AKAP6: variants seen among roughly 807,000 people sequenced by gnomAD.
AKAP6 encodes A-kinase anchoring protein 6, also known as A-kinase anchor protein 6.
A neutral mutation model predicts 188.5 loss-of-function variants in AKAP6; 58 were observed. The ratio of observed to expected loss-of-function variants is 0.31; its 90% CI spans 0.25 to 0.38. AKAP6 has a LOEUF of 0.38. AKAP6 is among the 10% of genes least tolerant of loss of function. The pLI, the probability that AKAP6 is intolerant of heterozygous loss-of-function variation, is 1.00. For synonymous variants in AKAP6, 989 were observed against 998.6 expected (o/e 0.99, Z 0.18); for missense variants, 2,710 against 2,740.0 (o/e 0.99, Z 0.24).
Position 32,609,964 on chromosome 14 carries a change from ACTTT to A in AKAP6, c.2730+9177_2730+9180del, listed in dbSNP as rs1886287476. Among the ~76,000 whole-genome samples the A allele has an allele frequency of 3.3e-5, 5 of 151,328 alleles. No individual in the cohort carries two copies. The South Asian group carries it at 1.0e-3, about 32-fold the overall frequency. ...GTCTCTGGAAATCAAAAGCAGAAAA[ACTTT>A]CTTTACTTTTGACATCTTAGATATT... is the stretch of plus-strand genomic sequence containing the variant. On this transcript the variant is annotated intron_variant, in intron 7 of 13. Coordinates refer to ENST00000280979, the MANE Select transcript of AKAP6 (RefSeq NM_004274.5).
chr14:32,555,097 C>T (rs1883632719), intron 4 of AKAP6, among the ~76,000 whole-genome samples: 1 of 152,174 alleles, frequency 6.6e-6, no homozygotes, highest in Non-Finnish European at 1.5e-5. Context: ...TCTTCGGTGC[C>T]AGCTAAGGAT....
intron 1 of AKAP6, chr14:32,417,701 T>C (rs1889705787): frequency 1.3e-5 from 2 of 152,218 alleles, no homozygotes; most frequent in Admixed American, 1.3e-4. Context: ...TCTAAGTTTT[T>C]CTTTAAAATT....
chr14:32,827,134 A>T (rs1202490068), intron 13 of AKAP6, among the ~76,000 whole-genome samples: 3 of 152,226 alleles, frequency 2.0e-5, no homozygotes, highest in Non-Finnish European at 4.4e-5. Context: ...CAAAATGTTG[A>T]CATGCCTTCA....
At chr14:32,646,162 A>G (rs947608017) in intron 7 of AKAP6, among the ~76,000 whole-genome samples, 5 of 152,110 alleles carry the variant, frequency 3.3e-5, no homozygotes, top group Non-Finnish European at 5.9e-5. Context: ...GTAAAAAGCT[A>G]AGTTTGGACA....
At chr14:32,731,584 G>A (rs555575165) in intron 9 of AKAP6, among the ~76,000 whole-genome samples, 11 of 152,106 alleles carry the variant, frequency 7.2e-5, no homozygotes, top group Admixed American at 6.6e-4. Flanking sequence ...TGCTGAAAAT[G>A]TAAAATATGT....
chr14:32,381,638 A>G (rs1003193246), intron 1 of AKAP6, among the ~76,000 whole-genome samples: 1 of 152,208 alleles, frequency 6.6e-6, no homozygotes, highest in South Asian at 2.1e-4. Flanking sequence ...TGAAGTTTAC[A>G]TTAGAGAGAA....
At chr14:32,343,231 A>AT (rs1555318978) in intron 1 of AKAP6, among the ~76,000 whole-genome samples, 33,921 of 150,990 alleles carry the variant, frequency 0.22, 4,299 homozygotes, top group East Asian at 0.36. Context: ...CTTGTCAAGT[A>AT]TACCTTCCTT....
chr14:32,442,655 A>AG (rs1890619718), intron 2 of AKAP6: 1 of 148,926 alleles, frequency 6.7e-6, no homozygotes, highest in Non-Finnish European at 1.5e-5. Flanking sequence ...AAAAAAAAAA[A>AG]TTCTGGTTTT....
At chr14:32,560,280 C>T (rs920616248) in intron 4 of AKAP6, among the ~76,000 whole-genome samples, 1 of 152,048 alleles carries the variant, frequency 6.6e-6, no homozygotes, top group Non-Finnish European at 1.5e-5. Flanking sequence ...ATTAACATTG[C>T]TAATGGATTT....
At chr14:32,474,991 A>G (rs1878984042) in intron 2 of AKAP6, among the ~76,000 whole-genome samples, 1 of 152,176 alleles carries the variant, frequency 6.6e-6, no homozygotes, top group Non-Finnish European at 1.5e-5. Context: ...CACAGGAAGT[A>G]TATTTCTTTA....
At chr14:32,580,495 G>A (rs1884913123) in intron 5 of AKAP6, among the ~76,000 whole-genome samples, 1 of 151,682 alleles carries the variant, frequency 6.6e-6, no homozygotes. Context: ...GCTTTATTGA[G>A]GTATATTTAA....
chr14:32,660,932 C>G (rs377761436), intron 7 of AKAP6, among the ~76,000 whole-genome samples: 73 of 101,450 alleles, frequency 7.2e-4, no homozygotes, highest in Admixed American at 1.3e-3. Context: ...CCACCCCCCC[C>G]CCTCCCAATT....
At chr14:32,569,275 A>G (rs936271273) in intron 4 of AKAP6, among the ~76,000 whole-genome samples, 2 of 152,230 alleles carry the variant, frequency 1.3e-5, no homozygotes, top group African/African-American at 4.8e-5. Context: ...TTCTCATTCA[A>G]CCTTTAGAAA....
chr14:32,570,187 G>C (rs994120111), intron 4 of AKAP6, among the ~76,000 whole-genome samples: 1 of 135,788 alleles, frequency 7.4e-6, no homozygotes, highest in African/African-American at 2.7e-5. Context: ...CCGGAGTGCA[G>C]TGGAGCAATC....
At chr14:32,825,237 A>T (rs546198352) in intron 13 of AKAP6, among the ~76,000 whole-genome samples, 1 of 152,304 alleles carries the variant, frequency 6.6e-6, no homozygotes, top group East Asian at 1.9e-4. Flanking sequence ...GCAGATGAAC[A>T]ATGATTAGGC....
chr14:32,598,403 G>A (rs1341558183), intron 5 of AKAP6, among the ~76,000 whole-genome samples: 1 of 152,096 alleles, frequency 6.6e-6, no homozygotes, highest in Non-Finnish European at 1.5e-5. Context: ...TGGTTACTGT[G>A]ATTACTCTCC....
chr14:32,522,372 A>G (rs1881886745), intron 2 of AKAP6, among the ~76,000 whole-genome samples: 1 of 152,188 alleles, frequency 6.6e-6, no homozygotes, highest in African/African-American at 2.4e-5. Context: ...TCTGCACAGC[A>G]AAAGAAACTA....
chr14:32,593,528 T>C (rs746239247), intron 5 of AKAP6, among the ~76,000 whole-genome samples: 57 of 152,280 alleles, frequency 3.7e-4, no homozygotes, highest in African/African-American at 5.5e-4. Flanking sequence ...CTGCCTGGGA[T>C]GGTTGAGAGA....
intron 8 of AKAP6, among the ~76,000 whole-genome samples, chr14:32,687,392 T>C (rs908922925): frequency 7.0e-6 from 1 of 142,450 alleles, no homozygotes; most frequent in African/African-American, 2.6e-5. Flanking sequence ...TGCTCTGTCA[T>C]ACTAACTATC....
Sources: allele counts gnomAD v4.1 joint callset (sites outside exome capture counted in the v4.1 genomes callset), GRCh38; gene constraint gnomAD v4.1.1; transcripts MANE v1.5; gene names NCBI Gene and HGNC (gene_info 2026-07-23, HGNC 2026-07-21).